The following RANBP9 variants were observed in gnomAD, a reference collection of about 807,000 sequenced individuals.
RANBP9 encodes ran-binding protein 9.
RANBP9 carries 15 observed loss-of-function variants against 84.3 expected under a neutral mutation model. The observed-to-expected ratio is 0.18, with a 90% confidence interval of 0.12 to 0.27. RANBP9 has a LOEUF of 0.27. Among genes scored for constraint, RANBP9 ranks in the 10% least tolerant of loss-of-function variants. The pLI is 1.00. For synonymous variants in RANBP9, 392 were observed against 349.6 expected (o/e 1.12, Z -1.35); for missense variants, 809 against 912.8 (o/e 0.89, Z 1.46).
intron 2 of RANBP9, among the ~76,000 whole-genome samples, chr6:13,694,902 C>A (rs6459032): frequency 6.6e-6 from 1 of 152,120 alleles, no homozygotes; most frequent in Non-Finnish European, 1.5e-5. Context: ...AAGGGTCTTG[C>A]AATGTATCCC....
At chr6:13,629,419 CTGAAAATACCT>C (rs1490246341) in intron 12 of RANBP9, among the ~76,000 whole-genome samples, 1 of 152,132 alleles carries the variant, frequency 6.6e-6, no homozygotes, top group Non-Finnish European at 1.5e-5. Flanking sequence ...AGGCACAAAA[CTGAAAATACCT>C]GAAATATGTA....
intron 1 of RANBP9, among the ~76,000 whole-genome samples, chr6:13,699,898 A>G (rs759220110): frequency 3.9e-5 from 6 of 152,134 alleles, no homozygotes; most frequent in Non-Finnish European, 8.8e-5. Context: ...TGAATTCTGA[A>G]AGCATTTTGA....
chr6:13,634,875 C>T (rs779809094), intron 10 of RANBP9, among the ~76,000 whole-genome samples: 14 of 151,868 alleles, frequency 9.2e-5, no homozygotes, highest in Non-Finnish European at 1.8e-4. Flanking sequence ...TGTACGTCTT[C>T]GTTAATCAAC....
rs748830237 is a variant in RANBP9, at chr6:13,671,653, G to A, written c.684-12821C>T. Among the ~76,000 whole-genome samples the A allele has an allele frequency of 1.2e-4, 19 of 152,128 alleles. No homozygotes were observed. In the South Asian group the frequency reaches 1.9e-3, roughly 15 times the overall value. On this transcript the variant is annotated intron_variant, in intron 2 of 13. Coordinates refer to ENST00000011619, the MANE Select transcript of RANBP9 (RefSeq NM_005493.3). Reference sequence around the variant, plus strand: ...GGAACTGGGAGGAGTGAGTGTTTTGGGGTTCCTTTTTCAGGTGACAAAAAT... The same window carrying A: ...GGAACTGGGAGGAGTGAGTGTTTTGAGGTTCCTTTTTCAGGTGACAAAAAT...
chr6:13,689,430 C>T (rs1461046337), intron 2 of RANBP9, among the ~76,000 whole-genome samples: 2 of 151,806 alleles, frequency 1.3e-5, no homozygotes, highest in Admixed American at 1.3e-4. Flanking sequence ...GCCACCACAC[C>T]CAGCTAATTT....
rs770567129 is a variant in RANBP9, at chr6:13,658,840, C to T, written c.684-8G>A. 9.0e-6 allele frequency: 14 copies of T among 1,563,794 alleles called. No individual in the cohort carries two copies. The Admixed American group carries it at 1.7e-4, about 19-fold the overall frequency. ...AGACCAATTCCCATGTAACTGTTGGCGGAGGTTGGGGGAGAGAAGAAAAGG... is the reference window on the plus strand; with the variant it reads ...AGACCAATTCCCATGTAACTGTTGGTGGAGGTTGGGGGAGAGAAGAAAAGG... On this transcript the variant is annotated splice_polypyrimidine_tract_variant and splice_region_variant and intron_variant, in intron 2 of 13. Coordinates refer to ENST00000011619, the MANE Select transcript of RANBP9 (RefSeq NM_005493.3).
intron 2 of RANBP9, among the ~76,000 whole-genome samples, chr6:13,695,409 T>G (rs1031247920): frequency 8.6e-5 from 13 of 150,556 alleles, no homozygotes; most frequent in African/African-American, 2.7e-4. Flanking sequence ...ATGTTTTTTT[T>G]TTTTTTTTTT....
At chr6:13,628,685 T>G (rs1004211932) in intron 12 of RANBP9, among the ~76,000 whole-genome samples, 2 of 152,252 alleles carry the variant, frequency 1.3e-5, no homozygotes, top group African/African-American at 4.8e-5. Flanking sequence ...ACTTGATTCT[T>G]TCTTCACAAA....
At chr6:13,667,374 T>A (rs1765674375) in intron 2 of RANBP9, among the ~76,000 whole-genome samples, 1 of 152,226 alleles carries the variant, frequency 6.6e-6, no homozygotes, top group Admixed American at 6.5e-5. Flanking sequence ...TATTAATGAC[T>A]ACCTTATTAA....
At chr6:13,655,429 T>G (rs1437296079) in intron 4 of RANBP9, among the ~76,000 whole-genome samples, 1 of 152,196 alleles carries the variant, frequency 6.6e-6, no homozygotes, top group Non-Finnish European at 1.5e-5. Context: ...ATCACATCAC[T>G]GTACTCCTGC....
chr6:13,709,776 C>A (rs1015813973), intron 1 of RANBP9, among the ~76,000 whole-genome samples: 6 of 152,216 alleles, frequency 3.9e-5, no homozygotes, highest in Non-Finnish European at 7.3e-5. Context: ...TAAATAGTAA[C>A]TTACTTATCA....
At chr6:13,622,997 A>AGTG (rs761146343) in intron 13 of RANBP9, among the ~76,000 whole-genome samples, 3 of 152,158 alleles carry the variant, frequency 2.0e-5, no homozygotes, top group Non-Finnish European at 4.4e-5. Context: ...GTGGGGAGTA[A>AGTG]GTGGTGGTGG....
Position 13,686,237 on chromosome 6 carries a change from T to C in RANBP9, c.683+10548A>G, listed in dbSNP as rs543071380. ...TTCCTGGCTCAGCCTCTCATATAGC[T>C]GGGACCACAGGTGCATGCCACTACA... On this transcript the variant is annotated intron_variant, in intron 2 of 13. Transcript: ENST00000011619. Among the ~76,000 whole-genome samples, 5 of 151,352 alleles carry C rather than the reference T, an allele frequency of 3.3e-5. No homozygotes were observed. The South Asian group carries it at 8.4e-4, about 25-fold the overall frequency.
intron 2 of RANBP9, among the ~76,000 whole-genome samples, chr6:13,666,298 A>G (rs1056247881): frequency 6.6e-6 from 1 of 152,152 alleles, no homozygotes; most frequent in Non-Finnish European, 1.5e-5. Context: ...AATTATAGTC[A>G]GGTCCGCTAT....
At chr6:13,677,500 T>C (rs1765921058) in intron 2 of RANBP9, among the ~76,000 whole-genome samples, 1 of 152,174 alleles carries the variant, frequency 6.6e-6, no homozygotes, top group Admixed American at 6.5e-5. Context: ...AATTACTTAA[T>C]ACCTTTGAAA....
rs1764949887 is a variant in RANBP9, at chr6:13,636,802, T to C, written c.1673+1006A>G. ...CACACACTATTACTTCAGTAAATTTTTGTCACGTGTGACAGACAACCCAGA... is the reference window on the plus strand; with the variant it reads ...CACACACTATTACTTCAGTAAATTTCTGTCACGTGTGACAGACAACCCAGA... On this transcript the variant is annotated intron_variant, in intron 10 of 13. Transcript: ENST00000011619. Among the ~76,000 whole-genome samples the C allele has an allele frequency of 2.0e-5, 3 of 152,246 alleles. No individual in the cohort carries two copies. The South Asian group carries it at 6.2e-4, about 31-fold the overall frequency.
At chr6:13,701,547 C>T (rs1199915670) in intron 1 of RANBP9, among the ~76,000 whole-genome samples, 2 of 151,892 alleles carry the variant, frequency 1.3e-5, no homozygotes, top group Non-Finnish European at 2.9e-5. Flanking sequence ...CCAAGGCAGG[C>T]GGATTGCCTG....
In RANBP9 at chr6:13,654,287, A is replaced by T. The variant is rs1765355390; in HGVS notation, c.905-1606T>A. ...TTTTACACAGAAAGCAATTTTCTAT[A>T]TTCATAATTTCCTGATTTGTCAGGC... On this transcript the variant is annotated intron_variant, in intron 4 of 13. Coordinates refer to ENST00000011619, the MANE Select transcript of RANBP9 (RefSeq NM_005493.3). Among the ~76,000 whole-genome samples the T allele has an allele frequency of 2.0e-5, 3 of 152,316 alleles. No homozygotes were observed. The South Asian group carries it at 6.2e-4, about 32-fold the overall frequency.
At chr6:13,635,654 G>A (rs1764919946) in intron 10 of RANBP9, among the ~76,000 whole-genome samples, 1 of 151,208 alleles carries the variant, frequency 6.6e-6, no homozygotes, top group South Asian at 2.1e-4. Context: ...GGGAAAAGGG[G>A]GATATGGCCC....
Sources: gnomAD v4.1 joint callset for allele counts (sites outside exome capture counted in the v4.1 genomes callset) on GRCh38, gnomAD v4.1.1 for gene constraint, MANE v1.5 for transcripts, NCBI Gene and HGNC (gene_info 2026-07-23, HGNC 2026-07-21) for gene names.